TRHDE: variants seen among roughly 807,000 people sequenced by gnomAD.
TRHDE encodes the protein thyrotropin-releasing hormone-degrading ectoenzyme.
In TRHDE, 72 loss-of-function variants were observed where a neutral mutation model predicts 125.7. That is an observed-to-expected ratio of 0.57 (90% CI 0.47 to 0.70). The LOEUF (loss-of-function observed/expected upper bound fraction) is 0.70. Ranked by LOEUF, TRHDE falls within the 30% of genes least tolerant of loss-of-function variation. The probability of loss-of-function intolerance (pLI) is 0.00; values close to 1 mark genes in which losing one functional copy is unlikely to be tolerated. For synonymous variants in TRHDE, 509 were observed against 509.1 expected (o/e 1.00, Z 0.00); for missense variants, 1,110 against 1,327.1 (o/e 0.84, Z 2.54).
At chr12:72,176,627 T>C (rs1185052935) in intron 2 of TRHDE, among the ~76,000 whole-genome samples, 3 of 152,214 alleles carry the variant, frequency 2.0e-5, no homozygotes, top group Non-Finnish European at 4.4e-5. Flanking sequence ...TTATTAAATC[T>C]ATGGTGCACG....
chr12:72,518,225 G>A (rs1308366064), intron 6 of TRHDE, among the ~76,000 whole-genome samples: 1 of 148,376 alleles, frequency 6.7e-6, no homozygotes, highest in Admixed American at 6.7e-5. Context: ...TCATTGATCT[G>A]TCTAATGTTG....
intron 3 of TRHDE, among the ~76,000 whole-genome samples, chr12:72,386,597 C>G (rs964972254): frequency 6.6e-6 from 1 of 152,164 alleles, no homozygotes; most frequent in African/African-American, 2.4e-5. Flanking sequence ...ACTCCAGCTA[C>G]TGACCCATTT....
intron 7 of TRHDE, among the ~76,000 whole-genome samples, chr12:72,551,380 G>A (rs1412780955): frequency 6.6e-6 from 1 of 152,072 alleles, no homozygotes; most frequent in African/African-American, 2.4e-5. Flanking sequence ...TCGGTCTCCT[G>A]TATTCACCTT....
At chr12:72,499,473 T>C in intron 5 of TRHDE, 25 bp from the exon 6 acceptor site, 2 of 1,611,886 alleles carry the variant, frequency 1.2e-6, no homozygotes, top group East Asian at 4.5e-5. Context: ...TCACCTATGA[T>C]ATTGCCCCGT....
intron 1 of TRHDE, among the ~76,000 whole-genome samples, chr12:72,283,500 C>G (rs1879768815): frequency 6.6e-6 from 1 of 152,090 alleles, no homozygotes; most frequent in Non-Finnish European, 1.5e-5. Flanking sequence ...TGGTGGCCCT[C>G]TGTGCATAGA....
chr12:72,355,624 C>T lies in TRHDE; in HGVS notation c.1189-22371C>T, dbSNP rs571049787. 5.3e-5 allele frequency among the ~76,000 whole-genome samples: 8 copies of T among 151,968 alleles called. No individual in the cohort carries two copies. The East Asian group carries it at 1.4e-3, about 26-fold the overall frequency. On this transcript the variant is annotated intron_variant, in intron 2 of 18. Coordinates refer to ENST00000261180, the MANE Select transcript of TRHDE (RefSeq NM_013381.3). ...ATCAACATAGTAAACAGACAACCTA[C>T]AGAATGGGAGAAAATATTTGCAAAC...
chr12:72,400,242 G>A (rs1872981278), intron 3 of TRHDE, among the ~76,000 whole-genome samples: 2 of 151,954 alleles, frequency 1.3e-5, no homozygotes, highest in Non-Finnish European at 2.9e-5. Flanking sequence ...TACAGCAGAA[G>A]GTATTTTATA....
intron 3 of TRHDE, among the ~76,000 whole-genome samples, chr12:72,418,507 A>C (rs987078823): frequency 1.3e-5 from 2 of 152,116 alleles, no homozygotes; most frequent in Admixed American, 6.6e-5. Context: ...AAAAGTGAGT[A>C]AAATGGATTT....
intron 2 of TRHDE, among the ~76,000 whole-genome samples, chr12:72,156,403 T>C (rs1473026443): frequency 1.3e-5 from 2 of 152,156 alleles, no homozygotes; most frequent in African/African-American, 4.8e-5. Context: ...CCCACTGTCC[T>C]ACACCCACTG....
chr12:72,318,022 A>G (rs908253385), intron 2 of TRHDE, among the ~76,000 whole-genome samples: 14 of 152,170 alleles, frequency 9.2e-5, no homozygotes, highest in Admixed American at 7.2e-4. Flanking sequence ...GGCTCTCATT[A>G]TAAGAGAATT....
chr12:72,347,791 G>A (rs1870394858), intron 2 of TRHDE, among the ~76,000 whole-genome samples: 1 of 151,990 alleles, frequency 6.6e-6, no homozygotes, highest in African/African-American at 2.4e-5. Context: ...AGAATAACAA[G>A]ACAGAGCGTA....
At chr12:72,398,823 A>G (rs1409680747) in intron 3 of TRHDE, among the ~76,000 whole-genome samples, 3 of 152,192 alleles carry the variant, frequency 2.0e-5, no homozygotes, top group African/African-American at 7.2e-5. Flanking sequence ...AGAGGTGCAG[A>G]TTAAGTTGTT....
intron 3 of TRHDE, among the ~76,000 whole-genome samples, chr12:72,468,876 A>G (rs1876510260): frequency 6.6e-6 from 1 of 152,120 alleles, no homozygotes; most frequent in South Asian, 2.1e-4. Flanking sequence ...TTAAGCCTGG[A>G]GATGTTTTTT....
At chr12:72,313,978 A>T (rs1434689984) in intron 2 of TRHDE, among the ~76,000 whole-genome samples, 1 of 152,150 alleles carries the variant, frequency 6.6e-6, no homozygotes, top group Non-Finnish European at 1.5e-5. Context: ...CATCACTCCC[A>T]CAGGACCTGG....
chr12:72,127,087 T>G (rs947582666), intron 2 of TRHDE, among the ~76,000 whole-genome samples: 1 of 152,084 alleles, frequency 6.6e-6, no homozygotes. Flanking sequence ...AACAAACATA[T>G]GAAAAAATGT....
intron 12 of TRHDE, among the ~76,000 whole-genome samples, chr12:72,612,782 T>G (rs747254812): frequency 2.0e-5 from 3 of 152,166 alleles, no homozygotes; most frequent in Non-Finnish European, 4.4e-5. Context: ...GCCATAAAAC[T>G]AAGGTTTTTT....
chr12:72,189,175 T>A lies in TRHDE; in HGVS notation n.279+83423T>A, dbSNP rs554383117. ...CAGTAAATATTACAGAGTGAAGAAATCTGATCAACTAATTTTTACTAAGGT... is the reference window on the plus strand; with the variant it reads ...CAGTAAATATTACAGAGTGAAGAAAACTGATCAACTAATTTTTACTAAGGT... On this transcript the variant is annotated intron_variant and non_coding_transcript_variant, in intron 2 of 4. Transcript: ENST00000548156. Among the ~76,000 whole-genome samples the A allele has an allele frequency of 4.6e-5, 7 of 152,342 alleles. No individual in the cohort carries two copies. The South Asian group carries it at 1.4e-3, about 32-fold the overall frequency.
At chr12:72,523,180 A>T (rs1010573379) in intron 6 of TRHDE, among the ~76,000 whole-genome samples, 5 of 152,064 alleles carry the variant, frequency 3.3e-5, no homozygotes, top group African/African-American at 1.2e-4. Flanking sequence ...AGGATATAAG[A>T]GTAACTTGCT....
intron 6 of TRHDE, among the ~76,000 whole-genome samples, chr12:72,512,437 ATGT>A (rs1878624061): frequency 9.5e-6 from 1 of 105,596 alleles, no homozygotes. Flanking sequence ...ATTATATAAT[ATGT>A]TATAATTATA....
Sources: gnomAD v4.1 joint callset for allele counts (sites outside exome capture counted in the v4.1 genomes callset) on GRCh38, gnomAD v4.1.1 for gene constraint, MANE v1.5 for transcripts, NCBI Gene and HGNC (gene_info 2026-07-23, HGNC 2026-07-21) for gene names.